Variants in NCAPG2 observed in about 807,000 individuals in gnomAD.
NCAPG2 encodes the protein condensin-2 complex subunit G2.
NCAPG2 carries 53 observed loss-of-function variants against 141.1 expected under a neutral mutation model. That is an observed-to-expected ratio of 0.38 (90% CI 0.30 to 0.47). The LOEUF is 0.47. Ranked by LOEUF, NCAPG2 falls within the 20% of genes least tolerant of loss-of-function variation. The pLI, the probability that NCAPG2 is intolerant of heterozygous loss-of-function variation, is 0.99. For missense variants in NCAPG2, 1,087 were observed against 1,389.0 expected, an observed-to-expected ratio of 0.78 and a Z score of 3.46; for synonymous variants, 499 against 490.7, an observed-to-expected ratio of 1.02 and a Z score of -0.22.
intron 2 of NCAPG2, among the ~76,000 whole-genome samples, chr7:158,695,539 T>C (rs1447112310): frequency 6.6e-6 from 1 of 152,224 alleles, no homozygotes; most frequent in East Asian, 1.9e-4. Context: ...CCAGCTTCAC[T>C]GAAGGCTGTT....
chr7:158,665,785 C>A (rs1832883900), intron 13 of NCAPG2, among the ~76,000 whole-genome samples: 1 of 152,140 alleles, frequency 6.6e-6, no homozygotes, highest in Non-Finnish European at 1.5e-5. Context: ...GTTGTTCTTG[C>A]CAAGGTCATG....
At chr7:158,685,253 A>C (rs1834686584) in intron 8 of NCAPG2, among the ~76,000 whole-genome samples, 1 of 152,244 alleles carries the variant, frequency 6.6e-6, no homozygotes, top group South Asian at 2.1e-4. Flanking sequence ...AGTTACCCAT[A>C]ATCAAAGAAA....
At chr7:158,703,254 A>G (rs189455977) in intron 1 of NCAPG2, among the ~76,000 whole-genome samples, 1 of 152,372 alleles carries the variant, frequency 6.6e-6, no homozygotes, top group Admixed American at 6.5e-5. Context: ...GTGGCCAGTA[A>G]CAAGCATAAT....
Position 158,656,340 on chromosome 7 carries a change from G to A in NCAPG2, c.2308C>T (p.His770Tyr). Residue 770 changes from histidine (H) to tyrosine (Y), a missense_variant, in exon 19 of 28, where the codon CAT becomes TAT. Physicochemically the swap from His to Tyr is moderately conservative, Grantham distance 83. Transcript: ENST00000356309. ...ALVYIEYLLT[H>Y]PKNRECLLSA... ...AGCAAGCACTCGCGGTTCTTTGGAT[G>A]AGTCAGCAGATACTCAATGTAGACC... The A allele has an allele frequency of 1.2e-6, 2 of 1,614,196 alleles. No homozygotes were observed. The highest frequency in any genetic ancestry group is 1.1e-5 in the South Asian group (1 of 91,086).
intron 27 of NCAPG2, chr7:158,641,503 C>T (rs767531667): frequency 1.5e-6 from 1 of 682,932 alleles, no homozygotes; most frequent in South Asian, 1.5e-5. Context: ...AGATTGAGTC[C>T]AGGAGTCCAG....
At chr7:158,695,528 C>T (rs1394254208) in intron 2 of NCAPG2, among the ~76,000 whole-genome samples, 1 of 152,196 alleles carries the variant, frequency 6.6e-6, no homozygotes, top group Non-Finnish European at 1.5e-5. Context: ...GAGACACACA[C>T]CCAGCTTCAC....
At chr7:158,644,819 G>T (rs1830891180) in intron 26 of NCAPG2, among the ~76,000 whole-genome samples, 1 of 152,138 alleles carries the variant, frequency 6.6e-6, no homozygotes, top group African/African-American at 2.4e-5. Context: ...TGCCCAACCT[G>T]GGTCAAACCA....
chr7:158,663,170 C>T (rs149039765), intron 15 of NCAPG2, among the ~76,000 whole-genome samples: 4 of 152,308 alleles, frequency 2.6e-5, no homozygotes, highest in South Asian at 2.1e-4. Flanking sequence ...TCCCTGCTGT[C>T]GAGGCCTGTC....
intron 2 of NCAPG2, among the ~76,000 whole-genome samples, chr7:158,698,165 G>A (rs916980287): frequency 6.6e-6 from 1 of 152,142 alleles, no homozygotes; most frequent in African/African-American, 2.4e-5. Flanking sequence ...ATAAGTTTGT[G>A]TTTTAAGCTA....
chr7:158,656,013 G>C (rs948695822), intron 19 of NCAPG2, among the ~76,000 whole-genome samples: 2 of 152,204 alleles, frequency 1.3e-5, no homozygotes, highest in East Asian at 3.9e-4. Flanking sequence ...ATCCTCCTGA[G>C]TCCTAGCGCC....
rs1179925605 is a variant in NCAPG2, at chr7:158,644,331, T to C, written c.3338A>G (p.Lys1113Arg). 6.2e-7 allele frequency: 1 copy of C among 1,613,934 alleles called. No individual in the cohort carries two copies. The highest frequency in any genetic ancestry group is 8.5e-7 in the Non-Finnish European group (1 of 1,179,916). The change falls in exon 27 of 28, where the codon AAG (lysine) becomes AGG (arginine). Residue 1113 changes from lysine (K) to arginine (R), a missense_variant. By Grantham distance (26) the Lys-to-Arg change is conservative. Transcript: ENST00000356309. ...TTCCAAAGTAATTTCCATGAATGTC[T>C]TTAGTTTTCTGTGAACAGTGGCTGC... The part of the protein sequence containing the change: ...EVAATVHRKL[K>R]TFMEITLEED...
chr7:158,666,502 G>C (rs1832947999), intron 13 of NCAPG2, among the ~76,000 whole-genome samples: 1 of 151,764 alleles, frequency 6.6e-6, no homozygotes, highest in East Asian at 1.9e-4. Flanking sequence ...CCACTTTAAA[G>C]GTAAGAAGCA....
rs532191809 is a variant in NCAPG2 at position 158,683,311 on chromosome 7, T to G, written c.913A>C (p.Lys305Gln). The G allele has an allele frequency of 6.3e-7, 1 of 1,593,812 alleles. No individual in the cohort carries two copies. The highest frequency in any genetic ancestry group is 2.3e-5 in the East Asian group (1 of 43,406). The change falls in exon 9 of 28, where the codon AAA becomes CAA. Residue 305 changes from lysine (K) to glutamine (Q), a missense_variant. Lys to Gln is a moderately conservative substitution (Grantham distance 53). Transcript: ENST00000356309. ...GTTCACAATCTTACCTCCCGCACTT[T>G]GGAATGCACTGGAGACCTCCTCGGA... ...HLPRRSPVHS[K>Q]VREVLSYFHH...
chr7:158,646,092 G>A (rs116022239), intron 25 of NCAPG2, among the ~76,000 whole-genome samples: 1,917 of 152,202 alleles, frequency 0.013, 43 homozygotes, highest in African/African-American at 0.043. Context: ...TAGCAGCTGC[G>A]TATTCAACGA....
At chr7:158,666,485 A>G (rs530099245) in intron 13 of NCAPG2, among the ~76,000 whole-genome samples, 26 of 152,078 alleles carry the variant, frequency 1.7e-4, no homozygotes, top group African/African-American at 4.8e-4. Flanking sequence ...CATAGATATT[A>G]GTATTCCCAC....
At chr7:158,687,921 TAC>T (rs1834874746) in intron 6 of NCAPG2, among the ~76,000 whole-genome samples, 1 of 152,310 alleles carries the variant, frequency 6.6e-6, no homozygotes, top group Non-Finnish European at 1.5e-5. Context: ...AATTTCCAAA[TAC>T]ACAGTCTTCA....
chr7:158,668,794 T>C (rs1314098707), intron 13 of NCAPG2, among the ~76,000 whole-genome samples: 1 of 152,236 alleles, frequency 6.6e-6, no homozygotes, highest in African/African-American at 2.4e-5. Flanking sequence ...GGGGTACAAA[T>C]GCAGGATGTG....
intron 27 of NCAPG2, among the ~76,000 whole-genome samples, chr7:158,636,831 T>A (rs991309728): frequency 1.5e-4 from 23 of 152,240 alleles, no homozygotes; most frequent in African/African-American, 5.3e-4. Context: ...GATGGACCAT[T>A]TACATCATTG....
At chr7:158,648,068 T>C (rs1019981012) in intron 24 of NCAPG2, among the ~76,000 whole-genome samples, 2 of 152,204 alleles carry the variant, frequency 1.3e-5, no homozygotes, top group Admixed American at 1.3e-4. Flanking sequence ...ATCATCACTA[T>C]ACATCAAATA....
Sources: allele counts gnomAD v4.1 joint callset (sites outside exome capture counted in the v4.1 genomes callset), GRCh38; gene constraint gnomAD v4.1.1; transcripts MANE v1.5; gene names NCBI Gene and HGNC (gene_info 2026-07-23, HGNC 2026-07-21).